The following HERPUD2 variants were observed in gnomAD, a reference collection of about 807,000 sequenced individuals.
HERPUD2 encodes the protein HERPUD family member 2.
A neutral mutation model predicts 49.9 loss-of-function variants in HERPUD2; 13 were observed. That is an observed-to-expected ratio of 0.26 (90% CI 0.17 to 0.41). The LOEUF is 0.41. HERPUD2 is among the 10% of genes least tolerant of loss of function. HERPUD2 has a pLI of 1.00. For synonymous variants in HERPUD2, 172 were observed against 171.4 expected, an observed-to-expected ratio of 1.00 and a Z score of -0.03; for missense variants, 449 against 492.2, an observed-to-expected ratio of 0.91 and a Z score of 0.83.
chr7:35,647,267 A>G (rs1785072698), intron 5 of HERPUD2, among the ~76,000 whole-genome samples: 1 of 152,016 alleles, frequency 6.6e-6, no homozygotes, highest in South Asian at 2.1e-4. Context: ...AACCCCCTTC[A>G]AGGCAGCTCA....
At position 35,633,597 on chromosome 7, in the gene HERPUD2, AAAAG is replaced by A; in HGVS notation, c.*89_*92del. ...AAAAACACCTCTGTACATGATGATC[AAAAG>A]AAAGTTATAAATTTTTTTGAAATTG... On this transcript the variant is annotated 3_prime_UTR_variant, in exon 9 of 9. Coordinates refer to ENST00000311350, the MANE Select transcript of HERPUD2 (RefSeq NM_022373.5). 1 of 1,185,536 alleles carries A rather than the reference AAAAG, an allele frequency of 8.4e-7. No individual in the cohort carries two copies. The highest frequency in any genetic ancestry group is 2.4e-5 in the Admixed American group (1 of 42,222). The allele number at this position is 1,185,536 out of a possible 1,614,324, so 73.4% of individuals were successfully genotyped here.
At position 35,673,187 on chromosome 7, in the gene HERPUD2, G is replaced by T; in HGVS notation, c.225+14C>A. ...TGAATGTATCTGGTATCAAATAGTG[G>T]TAGAAAAGCTTACTTTTCTGAGAAT... On this transcript the variant is annotated intron_variant, in intron 3 of 8. Coordinates refer to ENST00000311350, the MANE Select transcript of HERPUD2 (RefSeq NM_022373.5). 6.3e-7 allele frequency: 1 copy of T among 1,592,670 alleles called. No individual in the cohort carries two copies. The highest frequency in any genetic ancestry group is 8.6e-7 in the Non-Finnish European group (1 of 1,162,604).
chr7:35,663,684 G>T (rs1474970320), intron 5 of HERPUD2, among the ~76,000 whole-genome samples: 1 of 152,060 alleles, frequency 6.6e-6, no homozygotes, highest in East Asian at 1.9e-4. Flanking sequence ...TGATCTGTTG[G>T]TTTAAAGTCT....
Position 35,667,514 on chromosome 7 carries a change from T to A in HERPUD2, c.414A>T (p.Ser138=). The A allele has an allele frequency of 6.2e-7, 1 of 1,613,972 alleles. No individual in the cohort carries two copies. Among genetic ancestry groups the A allele is most frequent in the Non-Finnish European group, 8.5e-7 (1 of 1,179,870 alleles). ...GAAGGGTACGCTGCCTCAATCCTTC[T>A]GAGGAAGAACCCACAGCTAAAGACA... ...ETLSLAVGSS[S]EGLRQRTLPQ... The change falls in exon 5 of 9, where the codon TCA becomes TCT. Residue 138 remains serine (S), a synonymous_variant. Transcript: ENST00000311350.
intron 5 of HERPUD2, among the ~76,000 whole-genome samples, chr7:35,643,218 C>T (rs1352623126): frequency 2.0e-5 from 3 of 152,142 alleles, no homozygotes; most frequent in African/African-American, 4.8e-5. Flanking sequence ...CCTTTTTAAC[C>T]GCACACCTAT....
chr7:35,689,911 C>T (rs752083883), intron 2 of HERPUD2, among the ~76,000 whole-genome samples: 2 of 152,272 alleles, frequency 1.3e-5, no homozygotes, highest in Non-Finnish European at 2.9e-5. Flanking sequence ...TTAGTGACTG[C>T]TTGTTCATGA....
intron 5 of HERPUD2, among the ~76,000 whole-genome samples, chr7:35,642,490 T>C (rs1385771382): frequency 2.0e-5 from 3 of 152,118 alleles, no homozygotes; most frequent in Non-Finnish European, 4.4e-5. Flanking sequence ...AATCATTCTA[T>C]CATAAAGACA....
chr7:35,634,795 C>A (rs188023140), intron 7 of HERPUD2, among the ~76,000 whole-genome samples: 1 of 152,244 alleles, frequency 6.6e-6, no homozygotes, highest in African/African-American at 2.4e-5. Context: ...CTGGCTTATA[C>A]CTATAGAACT....
At chr7:35,652,359 C>T (rs1785185118) in intron 5 of HERPUD2, among the ~76,000 whole-genome samples, 1 of 152,168 alleles carries the variant, frequency 6.6e-6, no homozygotes. Context: ...AGGGCTCTGA[C>T]ACCTCGCCCA....
In HERPUD2 at chr7:35,678,547, C is replaced by T. The variant is rs559887727; in HGVS notation, c.148-5269G>A. 2.2e-4 allele frequency among the ~76,000 whole-genome samples: 34 copies of T among 152,236 alleles called. No homozygotes were observed. The East Asian group carries it at 2.7e-3, about 12-fold the overall frequency. On this transcript the variant is annotated intron_variant, in intron 2 of 8. Coordinates refer to ENST00000311350, the MANE Select transcript of HERPUD2 (RefSeq NM_022373.5). ...AACTCCTGGCCTCAAGTGATCCGCCCGCCTCAGCCCCCTAAAGCGCTGGGA... is the reference window on the plus strand; with the variant it reads ...AACTCCTGGCCTCAAGTGATCCGCCTGCCTCAGCCCCCTAAAGCGCTGGGA...
At chr7:35,673,377 T>C in intron 2 of HERPUD2, 99 bp from the exon 3 acceptor site, 2 of 825,416 alleles carry the variant, frequency 2.4e-6, no homozygotes, top group Middle Eastern at 2.3e-4. Context: ...AAACTCCCTT[T>C]AGGCACAAGT....
Position 35,660,359 on chromosome 7 carries a change from C to G in HERPUD2, c.494+7075G>C, listed in dbSNP as rs1583552769. Reference sequence around the variant, plus strand: ...ACATACGTGTGCATATGTCTTTATACCAGCATGATTTATAATCATTTGGGT... The same window carrying G: ...ACATACGTGTGCATATGTCTTTATAGCAGCATGATTTATAATCATTTGGGT... On this transcript the variant is annotated intron_variant, in intron 5 of 8. Transcript: ENST00000311350. Among the ~76,000 whole-genome samples, 3 of 152,056 alleles carry G rather than the reference C, an allele frequency of 2.0e-5. No individual in the cohort carries two copies. The South Asian group carries it at 6.2e-4, about 31-fold the overall frequency.
chr7:35,684,115 G>A (rs1281797283), intron 2 of HERPUD2, among the ~76,000 whole-genome samples: 1 of 152,170 alleles, frequency 6.6e-6, no homozygotes, highest in Non-Finnish European at 1.5e-5. Flanking sequence ...GGCCAGACAC[G>A]GTGCCTCATG....
intron 4 of HERPUD2, 69 bp downstream of exon 4, chr7:35,670,146 A>G (rs760194416): frequency 1.5e-6 from 1 of 673,160 alleles, no homozygotes; most frequent in Non-Finnish European, 2.5e-6. Context: ...TAGTTTTTAG[A>G]GGCAAAAAAT....
At position 35,635,203 on chromosome 7, in the gene HERPUD2, G is replaced by T; in HGVS notation, c.873C>A (p.Ser291Arg). Residue 291 changes from serine to arginine, a missense_variant, in exon 7 of 9, where the codon AGC becomes AGA. Ser to Arg is a moderately radical substitution (Grantham distance 110, BLOSUM62 -1). Transcript: ENST00000311350. ...TAAAAGAAGAATAGAAGTATACAATGCTAAGGAGAATCGCAGCTCGTGAGA... is the reference window on the plus strand; with the variant it reads ...TAAAAGAAGAATAGAAGTATACAATTCTAAGGAGAATCGCAGCTCGTGAGA... Reference protein sequence around the residue: ...YTFSRAAILLSIVYFYSSFSR... With the variant: ...YTFSRAAILLRIVYFYSSFSR... 1 of 1,614,098 alleles carries T rather than the reference G, an allele frequency of 6.2e-7. No homozygotes were observed. Among genetic ancestry groups the T allele is most frequent in the Non-Finnish European group, 8.5e-7 (1 of 1,179,952 alleles).
At chr7:35,649,771 T>C (rs1318541408) in intron 5 of HERPUD2, among the ~76,000 whole-genome samples, 2 of 152,222 alleles carry the variant, frequency 1.3e-5, no homozygotes, top group African/African-American at 4.8e-5. Context: ...TAGATAAAGC[T>C]CCAGGTAGCA....
At chr7:35,662,112 TC>T (rs1785437894) in intron 5 of HERPUD2, among the ~76,000 whole-genome samples, 1 of 152,246 alleles carries the variant, frequency 6.6e-6, no homozygotes, top group Admixed American at 6.5e-5. Context: ...AAAGGCCTTT[TC>T]TGCATCTATT....
chr7:35,683,405 T>C (rs1785957995), intron 2 of HERPUD2, among the ~76,000 whole-genome samples: 1 of 152,214 alleles, frequency 6.6e-6, no homozygotes, highest in South Asian at 2.1e-4. Flanking sequence ...TATTTCACCT[T>C]ATACAAAAAT....
intron 5 of HERPUD2, among the ~76,000 whole-genome samples, chr7:35,649,655 T>C (rs1785123455): frequency 6.6e-6 from 1 of 152,218 alleles, no homozygotes; most frequent in Admixed American, 6.5e-5. Context: ...TTCCAGGTTA[T>C]AGGCAGATTT....
Sources: gnomAD v4.1 joint callset for allele counts (sites outside exome capture counted in the v4.1 genomes callset) on GRCh38, gnomAD v4.1.1 for gene constraint, MANE v1.5 for transcripts, NCBI Gene and HGNC (gene_info 2026-07-23, HGNC 2026-07-21) for gene names.